The following GATAD2A variants were observed in gnomAD, a reference collection of about 807,000 sequenced individuals.
The protein encoded by GATAD2A is transcriptional repressor p66-alpha.
In GATAD2A, 12 loss-of-function variants were observed where a neutral mutation model predicts 68.5. That is an observed-to-expected ratio of 0.18 (90% CI 0.11 to 0.28). The LOEUF (loss-of-function observed/expected upper bound fraction) is 0.28. Ranked by LOEUF, GATAD2A falls within the 10% of genes least tolerant of loss-of-function variation. The pLI is 1.00. For synonymous variants in GATAD2A, 410 were observed against 375.3 expected, an observed-to-expected ratio of 1.09 and a Z score of -1.07; for missense variants, 755 against 868.5, an observed-to-expected ratio of 0.87 and a Z score of 1.64.
intron 1 of GATAD2A, among the ~76,000 whole-genome samples, chr19:19,430,685 C>T (rs1259004790): frequency 6.6e-6 from 1 of 152,130 alleles, no homozygotes; most frequent in East Asian, 1.9e-4. Flanking sequence ...GGATCAGGTG[C>T]TGACAGCTGC....
chr19:19,441,355 A>C (rs2076537522), intron 1 of GATAD2A, among the ~76,000 whole-genome samples: 1 of 152,098 alleles, frequency 6.6e-6, no homozygotes, highest in South Asian at 2.1e-4. Flanking sequence ...ACACAAAAGG[A>C]AAATGCAATA....
intron 1 of GATAD2A, among the ~76,000 whole-genome samples, chr19:19,454,585 G>A (rs2056740342): frequency 6.6e-6 from 1 of 150,606 alleles, no homozygotes; most frequent in Non-Finnish European, 1.5e-5. Flanking sequence ...GTGACAGAGT[G>A]AGACCCTGTC....
At chr19:19,470,429 C>T (rs2058214615) in intron 2 of GATAD2A, among the ~76,000 whole-genome samples, 1 of 152,162 alleles carries the variant, frequency 6.6e-6, no homozygotes, top group Admixed American at 6.5e-5. Flanking sequence ...CCACTGTGCC[C>T]AGCTGCGACA....
rs773285302 is a variant in GATAD2A, at chr19:19,498,601, C to G, written c.1083C>G (p.Leu361=). ...ALRKQLEKTL[L]EIPPPKPPAP... The stretch of plus-strand genomic sequence containing the variant: ...GCAAACAGCTGGAGAAGACGCTACT[C>G]GAGATCCCCCCACCCAAGCCCCCAG... Residue 361 remains leucine, a synonymous_variant, in exon 8 of 12, where the codon CTC becomes CTG. Coordinates refer to ENST00000683918, the MANE Select transcript of GATAD2A (RefSeq NM_001384528.1). 4 of 1,613,818 alleles carry G rather than the reference C, an allele frequency of 2.5e-6. No homozygotes were observed. Among genetic ancestry groups the G allele is most frequent in the Non-Finnish European group, 3.4e-6 (4 of 1,179,948 alleles).
intron 7 of GATAD2A, among the ~76,000 whole-genome samples, chr19:19,496,790 C>T (rs1297364487): frequency 1.3e-5 from 2 of 152,190 alleles, no homozygotes; most frequent in African/African-American, 4.8e-5. Context: ...AACCAAGGGG[C>T]GGGTGGGCTG....
rs148458424 is a variant in GATAD2A, at chr19:19,507,589, G to T, written c.*2115G>T. 390 of 152,846 alleles carry T rather than the reference G, an allele frequency of 2.6e-3. 7 individuals carry two copies. In the East Asian group the frequency reaches 0.04, roughly 16 times the overall value. 9.5% of individuals were successfully genotyped at this position (152,846 alleles called of 1,614,324 possible). A position where few individuals can be genotyped will look rare whatever the true frequency, so the allele number is the denominator to read the frequency against. Reference sequence around the variant, plus strand: ...CTGCCGGCCCCCAGCCCCAGCTCCAGCTCCTGACCTCTCCCAGCCTGGCCT... The same window carrying T: ...CTGCCGGCCCCCAGCCCCAGCTCCATCTCCTGACCTCTCCCAGCCTGGCCT... On this transcript the variant is annotated 3_prime_UTR_variant, in exon 12 of 12. Coordinates refer to ENST00000683918, the MANE Select transcript of GATAD2A (RefSeq NM_001384528.1).
intron 9 of GATAD2A, 26 bp downstream of exon 9, chr19:19,501,442 G>A (rs779755896): frequency 1.3e-6 from 2 of 1,547,200 alleles, no homozygotes; most frequent in South Asian, 1.2e-5. Flanking sequence ...TGCCGGCAGT[G>A]CCGTCCCTAG....
At chr19:19,412,632 C>T (rs577576692) in intron 1 of GATAD2A, among the ~76,000 whole-genome samples, 14 of 151,738 alleles carry the variant, frequency 9.2e-5, no homozygotes, top group African/African-American at 2.7e-4. Flanking sequence ...ACTCTGTCTG[C>T]GGGGGGGATA....
intron 1 of GATAD2A, among the ~76,000 whole-genome samples, chr19:19,440,951 TCCTTTTCTTCCTTC>T (rs1168095936): frequency 0.068 from 6,736 of 99,536 alleles, 203 homozygotes; most frequent in African/African-American, 0.12. Flanking sequence ...TCCCTTTCCT[TCCTTTTCTTCCTTC>T]CCTTTCCTTC....
intron 1 of GATAD2A, among the ~76,000 whole-genome samples, chr19:19,416,906 C>T (rs2051713653): frequency 6.6e-6 from 1 of 151,988 alleles, no homozygotes; most frequent in Non-Finnish European, 1.5e-5. Context: ...GGATTACAGG[C>T]ATGCACCACC....
intron 1 of GATAD2A, among the ~76,000 whole-genome samples, chr19:19,453,983 TTTTG>T (rs965668649): frequency 6.7e-6 from 1 of 148,558 alleles, no homozygotes; most frequent in Non-Finnish European, 1.5e-5. Context: ...GTTTTTTTTT[TTTTG>T]TTTATTTTTT....
chr19:19,458,493 C>T (rs564437233), intron 1 of GATAD2A: 2 of 152,334 alleles, frequency 1.3e-5, no homozygotes, highest in East Asian at 1.9e-4. Flanking sequence ...ACTGTTTGCT[C>T]TACACTGAAA....
rs187349662 is a variant in GATAD2A at position 19,506,224 on chromosome 19, C to G, written c.*750C>G. On this transcript the variant is annotated 3_prime_UTR_variant, in exon 12 of 12. Coordinates refer to ENST00000683918, the MANE Select transcript of GATAD2A (RefSeq NM_001384528.1). ...CTGCTTGTTCTGGAGACCCCCGCCCCCGCACCTTCCAGACTTAGCAGAAGA... is the reference window on the plus strand; with the variant it reads ...CTGCTTGTTCTGGAGACCCCCGCCCGCGCACCTTCCAGACTTAGCAGAAGA... The G allele has an allele frequency of 3.0e-4, 120 of 398,734 alleles. 1 individual carries two copies. The highest frequency in any genetic ancestry group is 2.1e-3 in the African/African-American group (103 of 48,722). The allele number at this position is 398,734 out of a possible 1,614,324, so 24.7% of individuals were successfully genotyped here. A position where few individuals can be genotyped will look rare whatever the true frequency, so the allele number is the denominator to read the frequency against.
chr19:19,486,067 G>T (rs1453659917), intron 2 of GATAD2A, among the ~76,000 whole-genome samples: 1 of 152,206 alleles, frequency 6.6e-6, no homozygotes, highest in Non-Finnish European at 1.5e-5. Context: ...CTCCATCAAG[G>T]CAAGAGGAGG....
chr19:19,418,722 C>T (rs571207781), intron 1 of GATAD2A, among the ~76,000 whole-genome samples: 1 of 152,276 alleles, frequency 6.6e-6, no homozygotes, highest in Non-Finnish European at 1.5e-5. Flanking sequence ...AGGAAGTTTC[C>T]TTGTTTCATG....
intron 2 of GATAD2A, among the ~76,000 whole-genome samples, chr19:19,483,543 G>A (rs139112656): frequency 2.6e-3 from 398 of 152,262 alleles, no homozygotes; most frequent in African/African-American, 8.7e-3. Context: ...TGCGGCTGGC[G>A]AGAAGCAGGT....
chr19:19,473,452 G>C (rs2148134712), intron 2 of GATAD2A, among the ~76,000 whole-genome samples: 1 of 152,218 alleles, frequency 6.6e-6, no homozygotes, highest in Admixed American at 6.5e-5. Flanking sequence ...AGTCGCAATT[G>C]GTGACACTGG....
upstream of GATAD2A, among the ~76,000 whole-genome samples, chr19:19,404,674 C>G (rs1239201707): frequency 9.2e-6 from 1 of 108,124 alleles, no homozygotes; most frequent in Admixed American, 8.8e-5. Flanking sequence ...CAGAGCAAGA[C>G]TCTGTCTCCA....
intron 1 of GATAD2A, among the ~76,000 whole-genome samples, chr19:19,390,473 G>C (rs2146829349): frequency 6.6e-6 from 1 of 152,220 alleles, no homozygotes; most frequent in East Asian, 1.9e-4. Flanking sequence ...TATGTCTCTT[G>C]GAAAACCCAC....
Sources: allele counts gnomAD v4.1 joint callset (sites outside exome capture counted in the v4.1 genomes callset), GRCh38; gene constraint gnomAD v4.1.1; transcripts MANE v1.5; gene names NCBI Gene and HGNC (gene_info 2026-07-23, HGNC 2026-07-21).